GRAMD4: variants seen among roughly 807,000 people sequenced by gnomAD.
GRAMD4 encodes the protein GRAM domain containing 4.
A neutral mutation model predicts 83.9 loss-of-function variants in GRAMD4; 25 were observed. The ratio of observed to expected loss-of-function variants is 0.30; its 90% CI spans 0.22 to 0.42. The LOEUF (loss-of-function observed/expected upper bound fraction) is 0.42, where lower values mean the gene tolerates loss of function less well. Among genes scored for constraint, GRAMD4 ranks in the 10% least tolerant of loss-of-function variants. GRAMD4 has a pLI of 1.00. For missense variants in GRAMD4, 593 were observed against 788.7 expected, an observed-to-expected ratio of 0.75 and a Z score of 2.97; for synonymous variants, 336 against 320.9, an observed-to-expected ratio of 1.05 and a Z score of -0.50.
At chr22:46,619,985 C>T (rs372520873), upstream of GRAMD4, among the ~76,000 whole-genome samples, 9 of 152,080 alleles carry the variant, frequency 5.9e-5, no homozygotes, top group African/African-American at 1.7e-4. Context: ...GGATGAAGGG[C>T]GTGCCAGCAG....
intron 1 of GRAMD4, among the ~76,000 whole-genome samples, chr22:46,604,604 A>C (rs2081347483): frequency 6.6e-6 from 1 of 152,176 alleles, no homozygotes; most frequent in Admixed American, 6.5e-5. Flanking sequence ...GTCTCTGTGC[A>C]TTTGACTCCT....
intron 1 of GRAMD4, among the ~76,000 whole-genome samples, 192 bp from the exon 2 acceptor site, chr22:46,626,559 A>G (rs534680253): frequency 9.2e-4 from 140 of 151,848 alleles, no homozygotes; most frequent in African/African-American, 3.3e-3. Flanking sequence ...GGAAAGCTGG[A>G]CCGGCCGTGC....
intron 1 of GRAMD4, among the ~76,000 whole-genome samples, chr22:46,596,502 G>A (rs1402126727): frequency 6.6e-6 from 1 of 152,182 alleles, no homozygotes; most frequent in Non-Finnish European, 1.5e-5. Flanking sequence ...TGAACCAGTT[G>A]ATAGAATCCT....
chr22:46,582,160 G>A (rs1341314673), intron 1 of GRAMD4, among the ~76,000 whole-genome samples: 1 of 152,168 alleles, frequency 6.6e-6, no homozygotes, highest in Non-Finnish European at 1.5e-5. Flanking sequence ...ACTGCCCTCT[G>A]TGAAGTGAGG....
chr22:46,660,081 C>T (rs978329991), intron 4 of GRAMD4, among the ~76,000 whole-genome samples: 2 of 152,206 alleles, frequency 1.3e-5, no homozygotes, highest in Non-Finnish European at 2.9e-5. Context: ...CATCCTCTCA[C>T]TCCCGCCAGC....
upstream of GRAMD4, among the ~76,000 whole-genome samples, chr22:46,617,014 G>GTGTA (rs1569263438): frequency 6.2e-5 from 1 of 16,156 alleles, no homozygotes; most frequent in Non-Finnish European, 1.2e-4. Flanking sequence ...CTGTGCGTGT[G>GTGTA]GGTTCCCCCG....
At position 46,658,265 on chromosome 22, in the gene GRAMD4, G is replaced by T; in HGVS notation, c.362G>T (p.Arg121Leu). ...GAGCTGGACCGCGAGCGGCAGCGGC[G>T]GATGGAGCTGGAGCAGAAGGTGCAG... ...RQELDRERQR[R>L]MELEQKVQEV... Residue 121 changes from arginine to leucine, a missense_variant, in exon 4 of 19, where the codon CGG (arginine) becomes CTG (leucine). Around this residue, in one of 4 missense-constraint regions of GRAMD4, gnomAD observed 312 missense variants for 350.7 expected, o/e 0.89. Transcript: ENST00000406902. 6.2e-7 allele frequency: 1 copy of T among 1,613,178 alleles called. No individual in the cohort carries two copies. The highest frequency in any genetic ancestry group is 8.5e-7 in the Non-Finnish European group (1 of 1,179,842).
chr22:46,608,729 C>A (rs2081389104), intron 1 of GRAMD4, among the ~76,000 whole-genome samples: 1 of 151,984 alleles, frequency 6.6e-6, no homozygotes, highest in African/African-American at 2.4e-5. Context: ...TTTTTCTTGG[C>A]CAGCTGCTGT....
intron 1 of GRAMD4, among the ~76,000 whole-genome samples, chr22:46,606,955 T>C (rs1348831488): frequency 1.3e-5 from 2 of 152,222 alleles, no homozygotes; most frequent in African/African-American, 2.4e-5. Flanking sequence ...CTGTTTTCCC[T>C]GGCCCCCTGT....
At chr22:46,675,704 G>C in intron 17 of GRAMD4, 152 bp downstream of exon 17, 1 of 640,732 alleles carries the variant, frequency 1.6e-6, no homozygotes, top group South Asian at 1.8e-5. Flanking sequence ...TCCTTGACTT[G>C]AGTCCCCATG....
At position 46,590,310 on chromosome 22, in the gene GRAMD4, C is replaced by G. The variant is rs1415338876; in HGVS notation, c.-50+13020C>G. Among the ~76,000 whole-genome samples, 3 of 152,132 alleles carry G rather than the reference C, an allele frequency of 2.0e-5. No homozygotes were observed. The East Asian group carries it at 5.8e-4, about 29-fold the overall frequency. On this transcript the variant is annotated intron_variant, in intron 1 of 1. Coordinates refer to the GRAMD4 transcript ENST00000431155. ...TTGGTGGGAGGCTTTGATTGGGAAG[C>G]TGGGGGAAGGTGGCTAGTGGGTGGG... is the stretch of plus-strand genomic sequence containing the variant.
At chr22:46,635,458 G>C (rs868785795) in intron 2 of GRAMD4, among the ~76,000 whole-genome samples, 6 of 105,752 alleles carry the variant, frequency 5.7e-5, no homozygotes, top group Admixed American at 9.8e-5. Flanking sequence ...CTGGGAGGCC[G>C]TGTCCTCCCT....
rs2082613989 is a variant in GRAMD4, at chr22:46,677,302, C to CTTTTTCTT, written c.*56_*57insCTTTTTTT. The CTTTTTCTT allele has an allele frequency of 7.5e-7, 1 of 1,340,594 alleles. No homozygotes were observed. The highest frequency in any genetic ancestry group is 1.5e-5 in the African/African-American group (1 of 66,188). The allele number at this position is 1,340,594 out of a possible 1,614,324, so 83.0% of individuals were successfully genotyped here. On this transcript the variant is annotated 3_prime_UTR_variant, in exon 19 of 19. Coordinates refer to ENST00000406902, the MANE Select transcript of GRAMD4 (RefSeq NM_015124.5). Reference sequence around the variant, plus strand: ...GAATTTTCTTTTTCTTTTTCTTTTTCTTTTTTTTTTTTTACGATTTGGTAG... The same window carrying CTTTTTCTT: ...GAATTTTCTTTTTCTTTTTCTTTTTCTTTTTCTTTTTTTTTTTTTTTACGATTTGGTAG...
chr22:46,597,781 GC>G (rs1232762668), intron 1 of GRAMD4, among the ~76,000 whole-genome samples: 4 of 152,134 alleles, frequency 2.6e-5, no homozygotes, highest in Middle Eastern at 3.2e-3. Context: ...GAGCTACCAC[GC>G]CCGGCCTCTG....
chr22:46,590,965 G>A (rs1452806894), intron 1 of GRAMD4, among the ~76,000 whole-genome samples: 1 of 152,060 alleles, frequency 6.6e-6, no homozygotes, highest in Non-Finnish European at 1.5e-5. Context: ...GAGGCTGTGG[G>A]ATGAAAATTG....
At chr22:46,600,538 C>T (rs2081302481) in intron 1 of GRAMD4, among the ~76,000 whole-genome samples, 2 of 152,174 alleles carry the variant, frequency 1.3e-5, no homozygotes, top group South Asian at 2.1e-4. Context: ...AGAGCAGGGT[C>T]CTTACCAAAA....
In GRAMD4 at chr22:46,673,662, G is replaced by T. The variant is rs552462346; in HGVS notation, c.1240-8G>T. On this transcript the variant is annotated splice_polypyrimidine_tract_variant and splice_region_variant and intron_variant, in intron 14 of 18. Coordinates refer to ENST00000406902, the MANE Select transcript of GRAMD4 (RefSeq NM_015124.5). ...GGGCCTGACCTCGACGCTGTTTGCC[G>T]TTGGCAGCTGCAGACGACCTCGTCA... 6.8e-6 allele frequency: 11 copies of T among 1,609,608 alleles called. No homozygotes were observed. The highest frequency in any genetic ancestry group is 9.3e-6 in the Non-Finnish European group (11 of 1,177,382).
intron 1 of GRAMD4, among the ~76,000 whole-genome samples, chr22:46,604,128 C>G (rs1054197906): frequency 2.6e-5 from 4 of 152,212 alleles, no homozygotes; most frequent in African/African-American, 9.6e-5. Flanking sequence ...GCTCTGTTTT[C>G]TGTTCATGCG....
At chr22:46,663,658 C>T (rs2082364677) in intron 6 of GRAMD4, among the ~76,000 whole-genome samples, 180 bp from the exon 7 acceptor site, 1 of 152,198 alleles carries the variant, frequency 6.6e-6, no homozygotes, top group African/African-American at 2.4e-5. Context: ...CACTGAGGGC[C>T]ATCCCGGCGC....
Sources: allele counts gnomAD v4.1 joint callset (sites outside exome capture counted in the v4.1 genomes callset), GRCh38; gene constraint gnomAD v4.1.1; regional missense constraint gnomAD v4.1.1; transcripts MANE v1.5; gene names NCBI Gene and HGNC (gene_info 2026-07-23, HGNC 2026-07-21).